EPHA4: variants seen among roughly 807,000 people sequenced by gnomAD.
The protein encoded by EPHA4 is EPH receptor A4, also known as ephrin type-A receptor 4.
Under a neutral mutation model 108.3 loss-of-function variants are expected in EPHA4, and 19 were observed. That is an observed-to-expected ratio of 0.18 (90% CI 0.12 to 0.26). EPHA4 has a LOEUF of 0.26. Ranked by LOEUF, EPHA4 falls within the 10% of genes least tolerant of loss-of-function variation. EPHA4 has a pLI of 1.00. For synonymous variants in EPHA4, 449 were observed against 455.5 expected, an observed-to-expected ratio of 0.99 and a Z score of 0.18; for missense variants, 917 against 1,254.0, an observed-to-expected ratio of 0.73 and a Z score of 4.06.
intron 3 of EPHA4, among the ~76,000 whole-genome samples, chr2:221,550,960 A>G (rs961404383): frequency 6.6e-6 from 1 of 152,126 alleles, no homozygotes; most frequent in African/African-American, 2.4e-5. Context: ...TCCTCTGAGA[A>G]GTGTTTAAAA....
In EPHA4 at chr2:221,470,977, ATTTTATT is replaced by A. The variant is rs547023143; in HGVS notation, c.1318+11368_1318+11374del. On this transcript the variant is annotated intron_variant, in intron 5 of 17. Transcript: ENST00000281821. Reference sequence around the variant, plus strand: ...TCTGTAACCCTAGAATTGTATTTTTATTTTATTTTTTATTTTTAGAGTATCAGCTAGA... The same window carrying A: ...TCTGTAACCCTAGAATTGTATTTTTATTTTATTTTTAGAGTATCAGCTAGA... Among the ~76,000 whole-genome samples, 510 of 152,128 alleles carry A rather than the reference ATTTTATT, an allele frequency of 3.4e-3. 4 individuals are homozygous for A. The highest frequency in any genetic ancestry group is 5.7e-3 in the Non-Finnish European group (386 of 67,960).
At chr2:221,566,968 A>G (rs1393583580) in intron 2 of EPHA4, among the ~76,000 whole-genome samples, 1 of 94,860 alleles carries the variant, frequency 1.1e-5, no homozygotes, top group Non-Finnish European at 2.3e-5. Context: ...GAAGAGGAAG[A>G]GGAAGAAGAA....
At chr2:221,435,961 G>A (rs1690220465) in intron 13 of EPHA4, among the ~76,000 whole-genome samples, 1 of 149,892 alleles carries the variant, frequency 6.7e-6, no homozygotes, top group Non-Finnish European at 1.5e-5. Context: ...GGAAGAAAGA[G>A]GCAGGAAGAC....
At chr2:221,491,746 A>C (rs1378772081) in intron 4 of EPHA4, among the ~76,000 whole-genome samples, 1 of 152,074 alleles carries the variant, frequency 6.6e-6, no homozygotes, top group Non-Finnish European at 1.5e-5. Context: ...GAGAGTGGCT[A>C]GGAGTTTCTA....
At chr2:221,545,245 G>A (rs914149499) in intron 3 of EPHA4, among the ~76,000 whole-genome samples, 4 of 79,256 alleles carry the variant, frequency 5.0e-5, no homozygotes, top group African/African-American at 2.7e-4. Flanking sequence ...CGAGGTGGGC[G>A]GATCACGAGG....
intron 5 of EPHA4, among the ~76,000 whole-genome samples, chr2:221,465,988 G>T (rs527411684): frequency 6.6e-6 from 1 of 152,274 alleles, no homozygotes; most frequent in Admixed American, 6.5e-5. Flanking sequence ...AGGCCTTTGG[G>T]TTCCCTCCCG....
intron 13 of EPHA4, 104 bp from the exon 14 acceptor site, chr2:221,434,395 T>C (rs965316207): frequency 8.4e-7 from 1 of 1,192,690 alleles, no homozygotes; most frequent in Non-Finnish European, 1.2e-6. Flanking sequence ...ACAGCATTCT[T>C]GAGATAGCTC....
chr2:221,514,769 A>C (rs2710506), intron 3 of EPHA4, among the ~76,000 whole-genome samples: 52,832 of 151,990 alleles, frequency 0.35, 10,679 homozygotes, highest in East Asian at 0.55. Flanking sequence ...ATTGATATTA[A>C]TCATAATAAA....
At chr2:221,482,111 T>C (rs896990884) in intron 5 of EPHA4, among the ~76,000 whole-genome samples, 2 of 152,152 alleles carry the variant, frequency 1.3e-5, no homozygotes, top group Non-Finnish European at 2.9e-5. Flanking sequence ...GTCATCGTGT[T>C]GCCCAGTCTG....
At chr2:221,551,511 A>T (rs1421314240) in intron 3 of EPHA4, among the ~76,000 whole-genome samples, 1 of 152,202 alleles carries the variant, frequency 6.6e-6, no homozygotes, top group Non-Finnish European at 1.5e-5. Context: ...TAGAAGAAAG[A>T]TCTAACAATG....
rs532998079 is a variant in EPHA4, at chr2:221,420,311, A to G, written c.*1061T>C. The G allele has an allele frequency of 1.3e-5, 2 of 152,800 alleles. No individual in the cohort carries two copies. The highest frequency in any genetic ancestry group is 4.8e-5 in the African/African-American group (2 of 41,582). The allele number at this position is 152,800 out of a possible 1,614,324, so 9.5% of individuals were successfully genotyped here. Reference sequence around the variant, plus strand: ...ACAGTGCATTCCTCAGTGCAACTGGAGAACAGATGCTGAATCTTAAGTGTT... The same window carrying G: ...ACAGTGCATTCCTCAGTGCAACTGGGGAACAGATGCTGAATCTTAAGTGTT... On this transcript the variant is annotated 3_prime_UTR_variant, in exon 18 of 18. Transcript: ENST00000281821.
chr2:221,508,648 A>G (rs1056252147), intron 3 of EPHA4, among the ~76,000 whole-genome samples: 2 of 152,108 alleles, frequency 1.3e-5, no homozygotes, highest in African/African-American at 4.8e-5. Flanking sequence ...ATAAAATTTA[A>G]ATTATTTCTC....
At chr2:221,521,298 G>T (rs1489892818) in intron 3 of EPHA4, among the ~76,000 whole-genome samples, 2 of 152,210 alleles carry the variant, frequency 1.3e-5, no homozygotes, top group Non-Finnish European at 2.9e-5. Context: ...AGTGCAACGG[G>T]AGGATCTCAT....
intron 3 of EPHA4, among the ~76,000 whole-genome samples, chr2:221,556,150 GA>G (rs1334346027): frequency 3.3e-5 from 5 of 152,228 alleles, no homozygotes; most frequent in African/African-American, 1.2e-4. Flanking sequence ...AATACAAATT[GA>G]AACTGAAAAA....
At chr2:221,567,425 T>C (rs1694700725) in intron 2 of EPHA4, among the ~76,000 whole-genome samples, 1 of 152,156 alleles carries the variant, frequency 6.6e-6, no homozygotes, top group Non-Finnish European at 1.5e-5. Context: ...ATGAGGGCAA[T>C]TGCCTGCAAT....
chr2:221,524,990 G>A (rs1693277947), intron 3 of EPHA4, among the ~76,000 whole-genome samples: 1 of 151,764 alleles, frequency 6.6e-6, no homozygotes. Context: ...GTGCTGGAGA[G>A]AGAAAAAAAG....
intron 3 of EPHA4, among the ~76,000 whole-genome samples, chr2:221,557,904 T>C: frequency 6.6e-6 from 1 of 152,086 alleles, no homozygotes; most frequent in East Asian, 1.9e-4. Flanking sequence ...GGCAGAAAAA[T>C]AGCAAAGCAA....
At chr2:221,496,405 T>C (rs1034790473) in intron 4 of EPHA4, among the ~76,000 whole-genome samples, 7 of 152,134 alleles carry the variant, frequency 4.6e-5, no homozygotes, top group African/African-American at 1.7e-4. Flanking sequence ...TCTACAGTAC[T>C]AGACAATACA....
chr2:221,471,162 T>G (rs1325044056), intron 5 of EPHA4, among the ~76,000 whole-genome samples: 1 of 152,136 alleles, frequency 6.6e-6, no homozygotes, highest in African/African-American at 2.4e-5. Context: ...GAGATGACTT[T>G]TGTAGTCATA....
Sources: gnomAD v4.1 joint callset for allele counts (sites outside exome capture counted in the v4.1 genomes callset) on GRCh38, gnomAD v4.1.1 for gene constraint, MANE v1.5 for transcripts, NCBI Gene and HGNC (gene_info 2026-07-23, HGNC 2026-07-21) for gene names.